The following CEP63 variants were observed in gnomAD, a reference collection of about 807,000 sequenced individuals.
CEP63 encodes the protein centrosomal protein 63.
Under a neutral mutation model 89.1 loss-of-function variants are expected in CEP63, and 84 were observed. The ratio of observed to expected loss-of-function variants is 0.94; its 90% CI spans 0.79 to 1.13. The LOEUF (loss-of-function observed/expected upper bound fraction) is 1.13, where lower values mean the gene tolerates loss of function less well. Among genes scored for constraint, CEP63 ranks in the 50% most tolerant of loss-of-function variants. The probability of loss-of-function intolerance (pLI) is 0.00; values close to 1 mark genes in which losing one functional copy is unlikely to be tolerated. For synonymous variants in CEP63, 267 were observed against 272.5 expected, an observed-to-expected ratio of 0.98 and a Z score of 0.20; for missense variants, 838 against 813.3, an observed-to-expected ratio of 1.03 and a Z score of -0.37.
intron 6 of CEP63, among the ~76,000 whole-genome samples, chr3:134,541,010 G>T (rs1951888544): frequency 6.6e-6 from 1 of 152,010 alleles, no homozygotes; most frequent in Non-Finnish European, 1.5e-5. Flanking sequence ...TTGAACTCCA[G>T]ACCTCAAGTG....
chr3:134,599,087 T>C, the CEP63 span, among the ~76,000 whole-genome samples: 3 of 152,172 alleles, frequency 2.0e-5, 1 homozygote, highest in African/African-American at 7.2e-5. Flanking sequence ...AGATGTTCTG[T>C]AACTGACAAC....
At chr3:134,540,834 G>C (rs1951853214) in intron 6 of CEP63, among the ~76,000 whole-genome samples, 1 of 150,734 alleles carries the variant, frequency 6.6e-6, no homozygotes, top group South Asian at 2.1e-4. Context: ...GCCCAGCCTG[G>C]AGTACAGTGG....
Position 134,558,261 on chromosome 3 carries a change from T to G in CEP63, c.1587T>G (p.Ile529Met). The G allele has an allele frequency of 6.2e-7, 1 of 1,613,900 alleles. No individual in the cohort carries two copies. The highest frequency in any genetic ancestry group is 8.5e-7 in the Non-Finnish European group (1 of 1,179,856). ...TGAATACCAAATCTCAGCTGGAGAT[T>G]TCTACTCAGATGTGCAAAAAACAAA... ...DLMNTKSQLEISTQMCKKQND... is the reference protein window; with the variant it reads ...DLMNTKSQLEMSTQMCKKQND... Residue 529 changes from isoleucine (I) to methionine (M), a missense_variant, in exon 13 of 15, where the codon ATT (isoleucine) becomes ATG (methionine). By Grantham distance (10) the Ile-to-Met change is conservative. Transcript: ENST00000675561.
chr3:134,691,041 G>C, the CEP63 span, among the ~76,000 whole-genome samples: 1 of 152,168 alleles, frequency 6.6e-6, no homozygotes, highest in Non-Finnish European at 1.5e-5. Flanking sequence ...GAGCCACCGT[G>C]CCTGGCCAAG....
chr3:134,529,748 C>T (rs1000818804), intron 3 of CEP63, among the ~76,000 whole-genome samples: 2 of 152,134 alleles, frequency 1.3e-5, no homozygotes, highest in African/African-American at 2.4e-5. Context: ...CTCAAGCCAT[C>T]CTCCTGCCTC....
the CEP63 span, among the ~76,000 whole-genome samples, chr3:134,681,223 G>A: frequency 6.6e-6 from 1 of 152,220 alleles, no homozygotes; most frequent in Admixed American, 6.5e-5. Context: ...GGCTATTCAG[G>A]TGGGAACATG....
intron 11 of CEP63, among the ~76,000 whole-genome samples, chr3:134,571,071 G>A (rs1022059836): frequency 1.3e-5 from 2 of 152,188 alleles, no homozygotes; most frequent in Non-Finnish European, 2.9e-5. Context: ...CTCCCACAAC[G>A]TGGGAATTTA....
chr3:134,774,116 G>A, the CEP63 span, among the ~76,000 whole-genome samples: 1 of 152,192 alleles, frequency 6.6e-6, no homozygotes, highest in Non-Finnish European at 1.5e-5. Context: ...CCAGAGAGAA[G>A]GAAAGGGGGT....
At chr3:134,716,255 A>G in the CEP63 span, among the ~76,000 whole-genome samples, 1 of 152,198 alleles carries the variant, frequency 6.6e-6, no homozygotes, top group Non-Finnish European at 1.5e-5. Context: ...CTGTGGCTGT[A>G]TATTTTCATG....
At chr3:134,668,598 C>A in the CEP63 span, among the ~76,000 whole-genome samples, 2 of 152,132 alleles carry the variant, frequency 1.3e-5, no homozygotes, top group South Asian at 4.2e-4. Context: ...TATCATGGAG[C>A]TGCTTTTAGC....
chr3:134,619,330 C>T, the CEP63 span: 7 of 1,223,446 alleles, frequency 5.7e-6, no homozygotes, highest in African/African-American at 1.5e-5. Flanking sequence ...TCCACCCCAA[C>T]CCCCAGCTGT....
chr3:134,544,554 A>AAT (rs1952773638), intron 6 of CEP63, among the ~76,000 whole-genome samples: 1 of 151,770 alleles, frequency 6.6e-6, no homozygotes. Flanking sequence ...TCTGAATTTA[A>AAT]AGAGCATTTT....
chr3:134,746,156 G>A, the CEP63 span, among the ~76,000 whole-genome samples: 5 of 151,526 alleles, frequency 3.3e-5, no homozygotes, highest in Admixed American at 2.6e-4. Context: ...ACCTATGAGT[G>A]AGAACATGTG....
downstream of CEP63, among the ~76,000 whole-genome samples, chr3:134,588,790 G>A (rs1318147008): frequency 4.0e-5 from 6 of 151,814 alleles, no homozygotes; most frequent in African/African-American, 1.5e-4. Context: ...TCTTTAAAAA[G>A]GCTAATAAGA....
chr3:134,669,599 C>A, the CEP63 span, among the ~76,000 whole-genome samples: 1 of 152,088 alleles, frequency 6.6e-6, no homozygotes, highest in Admixed American at 6.5e-5. Flanking sequence ...TTGCACAACA[C>A]CAGTGCTACC....
At chr3:134,529,762 C>T (rs1311703476) in intron 3 of CEP63, among the ~76,000 whole-genome samples, 5 of 152,128 alleles carry the variant, frequency 3.3e-5, no homozygotes, top group Admixed American at 6.5e-5. Flanking sequence ...CTGCCTCTGC[C>T]TCCTAAAGTG....
chr3:134,738,848 T>G, the CEP63 span, among the ~76,000 whole-genome samples: 12 of 152,016 alleles, frequency 7.9e-5, no homozygotes, highest in African/African-American at 2.4e-4. Context: ...AGCGTTTCTC[T>G]AAAGAATATA....
intron 3 of CEP63, chr3:134,510,727 A>C (rs771047392): frequency 1.8e-5 from 9 of 498,208 alleles, no homozygotes; most frequent in Non-Finnish European, 3.5e-5. Flanking sequence ...ATCTGCAGGG[A>C]GACTTCTCCC....
the CEP63 span, among the ~76,000 whole-genome samples, chr3:134,768,679 G>A: frequency 8.0e-4 from 122 of 152,316 alleles, no homozygotes; most frequent in African/African-American, 2.8e-3. Context: ...AAATAAGCAG[G>A]CTGGTGTGGT....
Sources: gnomAD v4.1 joint callset for allele counts (sites outside exome capture counted in the v4.1 genomes callset) on GRCh38, gnomAD v4.1.1 for gene constraint, MANE v1.5 for transcripts, NCBI Gene and HGNC (gene_info 2026-07-23, HGNC 2026-07-21) for gene names.